The following NSMAF variants were observed in gnomAD, a reference collection of about 807,000 sequenced individuals.
The protein encoded by NSMAF is protein FAN.
A neutral mutation model predicts 134.9 loss-of-function variants in NSMAF; 90 were observed. The ratio of observed to expected loss-of-function variants is 0.67; its 90% confidence interval spans 0.56 to 0.79. The LOEUF is 0.79. Among genes scored for constraint, NSMAF ranks in the 30% least tolerant of loss-of-function variants. The pLI, the probability that NSMAF is intolerant of heterozygous loss-of-function variation, is 0.00. For synonymous variants in NSMAF, 358 were observed against 389.6 expected (o/e 0.92, Z 0.96); for missense variants, 1,010 against 1,119.0 (o/e 0.90, Z 1.39).
At chr8:58,589,886 G>A in intron 25 of NSMAF, 121 bp downstream of exon 25, 1 of 767,964 alleles carries the variant, frequency 1.3e-6, no homozygotes, top group Non-Finnish European at 2.1e-6. Context: ...TCTAATATCT[G>A]TTCCCTTTAG....
At position 58,644,292 on chromosome 8, in the gene NSMAF, G is replaced by A. The variant is rs539932656; in HGVS notation, c.60-1219C>T. 2.0e-5 allele frequency among the ~76,000 whole-genome samples: 3 copies of A among 152,292 alleles called. No homozygotes were observed. In the East Asian group the frequency reaches 5.8e-4, roughly 29 times the overall value. On this transcript the variant is annotated intron_variant, in intron 1 of 30. Coordinates refer to ENST00000038176, the MANE Select transcript of NSMAF (RefSeq NM_003580.4). Reference sequence around the variant, plus strand: ...AAAACCCACAGGCTAAAGCAAATTGGAGAGATATTAAAGCAGAGAAGAGAC... The same window carrying A: ...AAAACCCACAGGCTAAAGCAAATTGAAGAGATATTAAAGCAGAGAAGAGAC...
Position 58,586,442 on chromosome 8 carries a change from A to G in NSMAF, c.2446+16T>C. ...ATTTACCTAGTATTATCTGTTTTAA[A>G]AAGGATAATATCTACCTGGGCTAAA... On this transcript the variant is annotated intron_variant, in intron 28 of 30. Transcript: ENST00000038176. 1 of 1,610,406 alleles carries G rather than the reference A, an allele frequency of 6.2e-7. No homozygotes were observed. Among genetic ancestry groups the G allele is most frequent in the South Asian group, 1.1e-5 (1 of 90,926 alleles).
intron 16 of NSMAF, among the ~76,000 whole-genome samples, chr8:58,600,879 TA>T (rs1348177979): frequency 2.0e-5 from 3 of 152,138 alleles, no homozygotes; most frequent in African/African-American, 7.2e-5. Context: ...CAGGGAGCTG[TA>T]TTCAATTCAC....
chr8:58,622,072 G>C (rs1806799327), intron 9 of NSMAF, among the ~76,000 whole-genome samples: 1 of 151,982 alleles, frequency 6.6e-6, no homozygotes, highest in Admixed American at 6.6e-5. Context: ...GTATTTCCTA[G>C]GTTTTCTTCA....
At chr8:58,656,326 T>A (rs901784181) in intron 1 of NSMAF, among the ~76,000 whole-genome samples, 36 of 152,292 alleles carry the variant, frequency 2.4e-4, no homozygotes, top group African/African-American at 8.7e-4. Flanking sequence ...AACCAGGATA[T>A]AAGTATACTT....
chr8:58,592,609 C>A (rs1806042791), intron 23 of NSMAF, among the ~76,000 whole-genome samples: 1 of 152,158 alleles, frequency 6.6e-6, no homozygotes, highest in Non-Finnish European at 1.5e-5. Flanking sequence ...CTCTCTCGGC[C>A]GGGCGTGGTG....
chr8:58,620,550 T>C (rs766390215), intron 9 of NSMAF, among the ~76,000 whole-genome samples: 3 of 152,230 alleles, frequency 2.0e-5, no homozygotes, highest in Non-Finnish European at 4.4e-5. Context: ...TTTTATTGTA[T>C]CACTTTCTCT....
intron 11 of NSMAF, among the ~76,000 whole-genome samples, chr8:58,606,613 T>C (rs1324220094): frequency 6.6e-6 from 1 of 152,152 alleles, no homozygotes; most frequent in African/African-American, 2.4e-5. Context: ...AAATTGATAA[T>C]TGAATAACCC....
At chr8:58,655,150 T>G (rs180834416) in intron 1 of NSMAF, among the ~76,000 whole-genome samples, 1 of 152,212 alleles carries the variant, frequency 6.6e-6, no homozygotes, top group East Asian at 1.9e-4. Context: ...ATTTATTTTT[T>G]AAATAGAGAA....
At chr8:58,636,578 G>T (rs1177628636) in intron 2 of NSMAF, among the ~76,000 whole-genome samples, 1 of 152,128 alleles carries the variant, frequency 6.6e-6, no homozygotes, top group Non-Finnish European at 1.5e-5. Flanking sequence ...CTAGATCAAG[G>T]GCTGGTAAAC....
At chr8:58,628,188 G>A (rs1291792026) in intron 6 of NSMAF, among the ~76,000 whole-genome samples, 2 of 152,160 alleles carry the variant, frequency 1.3e-5, no homozygotes, top group African/African-American at 4.8e-5. Flanking sequence ...GCCACATGTA[G>A]AAGAATGAAA....
At chr8:58,631,866 T>C in intron 5 of NSMAF, among the ~76,000 whole-genome samples, 1 of 152,012 alleles carries the variant, frequency 6.6e-6, no homozygotes, top group East Asian at 1.9e-4. Flanking sequence ...CTAATCCAAG[T>C]GCTGATTTTT....
Position 58,597,536 on chromosome 8 carries a change from T to C in NSMAF, c.1643A>G (p.Asp548Gly). The C allele has an allele frequency of 4.3e-6, 7 of 1,614,160 alleles. No homozygotes were observed. Among genetic ancestry groups the C allele is most frequent in the Non-Finnish European group, 5.1e-6 (6 of 1,179,996 alleles). ...GVDLNSIQDP[D>G]EKVAMLTQIL... ...TTGCGTAAGCATGGCTACCTTCTCA[T>C]CAGGATCCTGGATGCTTTGGGACAG... The change falls in exon 21 of 31, where the codon GAT becomes GGT. Residue 548 changes from aspartate (D) to glycine (G), a missense_variant. Coordinates refer to ENST00000038176, the MANE Select transcript of NSMAF (RefSeq NM_003580.4).
intron 1 of NSMAF, among the ~76,000 whole-genome samples, chr8:58,653,290 G>T (rs891070242): frequency 6.6e-6 from 1 of 152,082 alleles, no homozygotes. Flanking sequence ...AGAAGGGAAG[G>T]AAGGCAAAAT....
chr8:58,607,971 T>A (rs1267106578), intron 10 of NSMAF, 131 bp from the exon 11 acceptor site: 52 of 751,066 alleles, frequency 6.9e-5, no homozygotes, highest in Non-Finnish European at 8.2e-5. Flanking sequence ...AAAGGAAATC[T>A]TGGAACAAGG....
chr8:58,653,809 C>A (rs1239933362), intron 1 of NSMAF, among the ~76,000 whole-genome samples: 2 of 152,038 alleles, frequency 1.3e-5, no homozygotes, highest in Non-Finnish European at 2.9e-5. Flanking sequence ...TTTTATATCA[C>A]ACTAAAAAAA....
rs11777487 is a variant in NSMAF at position 58,635,128 on chromosome 8, T to C, written c.333+61A>G. On this transcript the variant is annotated intron_variant, in intron 5 of 30. Coordinates refer to ENST00000038176, the MANE Select transcript of NSMAF (RefSeq NM_003580.4). Reference sequence around the variant, plus strand: ...TCTGATATCTCTACAAGTAATTTCATTCATGCACATATATAAGAATGTTCA... The same window carrying C: ...TCTGATATCTCTACAAGTAATTTCACTCATGCACATATATAAGAATGTTCA... The C allele has an allele frequency of 4.0e-3, 4,928 of 1,228,250 alleles. 14 individuals carry two copies. The highest frequency in any genetic ancestry group is 5.4e-3 in the Non-Finnish European group (4,537 of 841,878). The allele number at this position is 1,228,250 out of a possible 1,614,324, so 76.1% of individuals were successfully genotyped here.
chr8:58,659,660 G>A lies in NSMAF; in HGVS notation c.-29C>T, dbSNP rs780423422. 4.4e-5 allele frequency: 62 copies of A among 1,394,016 alleles called. No homozygotes were observed. Among genetic ancestry groups the A allele is most frequent in the Non-Finnish European group, 5.7e-5 (61 of 1,074,136 alleles). 86.4% of individuals were successfully genotyped at this position (1,394,016 alleles called of 1,614,324 possible). On this transcript the variant is annotated 5_prime_UTR_variant, in exon 1 of 31. Coordinates refer to ENST00000038176, the MANE Select transcript of NSMAF (RefSeq NM_003580.4). The stretch of plus-strand genomic sequence containing the variant: ...GGGTAGGCGCGGGCGGGCGCAGAGC[G>A]CACAGGCAGGCCCCGCCGCCGCCTG...
intron 6 of NSMAF, among the ~76,000 whole-genome samples, chr8:58,627,567 G>A (rs751161122): frequency 1.1e-4 from 16 of 152,058 alleles, no homozygotes; most frequent in South Asian, 2.1e-4. Flanking sequence ...CACCAACAAC[G>A]GCCAAGCTAA....
Sources: allele counts gnomAD v4.1 joint callset (sites outside exome capture counted in the v4.1 genomes callset), GRCh38; gene constraint gnomAD v4.1.1; transcripts MANE v1.5; gene names NCBI Gene and HGNC (gene_info 2026-07-23, HGNC 2026-07-21).